HMGXB3: variants seen among roughly 807,000 people sequenced by gnomAD.
HMGXB3 encodes the protein HMG domain-containing protein 3.
Under a neutral mutation model 121.5 loss-of-function variants are expected in HMGXB3, and 45 were observed. The ratio of observed to expected loss-of-function variants is 0.37; its 90% CI spans 0.29 to 0.47. HMGXB3 has a LOEUF of 0.47. HMGXB3 is among the 20% of genes least tolerant of loss of function. The pLI, the probability that HMGXB3 is intolerant of heterozygous loss-of-function variation, is 0.99. For synonymous variants in HMGXB3, 590 were observed against 624.1 expected (o/e 0.95, Z 0.81); for missense variants, 1,376 against 1,602.2 (o/e 0.86, Z 2.41).
At chr5:150,047,068 AT>A (rs1756774272) in intron 16 of HMGXB3, among the ~76,000 whole-genome samples, 1 of 151,636 alleles carries the variant, frequency 6.6e-6, no homozygotes, top group African/African-American at 2.4e-5. Flanking sequence ...AATTTTTTGT[AT>A]TTTTAGAAGA....
chr5:150,006,515 G>A lies in HMGXB3; in HGVS notation c.180G>A (p.Val60=). The change falls in exon 3 of 20, where the codon GTG becomes GTA. Residue 60 remains valine, a synonymous_variant. Transcript: ENST00000502717. ...ACTATTACGACATCTACCTGAAAGT[G>A]CAGCAGGAGCTCCCCCACCTCCCTC... The part of the protein sequence containing the change: ...LLYYYDIYLK[V]QQELPHLPQS... 3 of 1,551,916 alleles carry A rather than the reference G, an allele frequency of 1.9e-6. No homozygotes were observed. Among genetic ancestry groups the A allele is most frequent in the South Asian group, 1.2e-5 (1 of 84,062 alleles).
intron 15 of HMGXB3, among the ~76,000 whole-genome samples, chr5:150,044,026 G>T (rs534967862): frequency 6.6e-6 from 1 of 152,280 alleles, no homozygotes; most frequent in East Asian, 1.9e-4. Flanking sequence ...CCTGGCACCC[G>T]TCCTGTCCCA....
intron 4 of HMGXB3, 95 bp from the exon 5 acceptor site, chr5:150,012,138 ATTGGGATGAGTACACTGTCTGT>A: frequency 1.5e-6 from 1 of 685,874 alleles, no homozygotes; most frequent in South Asian, 1.7e-5. Flanking sequence ...TGATAAGCAC[ATTGGGATGAGTACACTGTCTGT>A]TATTAAACTT....
At chr5:150,051,250 A>G (rs557506112) in intron 19 of HMGXB3, among the ~76,000 whole-genome samples, 1 of 152,300 alleles carries the variant, frequency 6.6e-6, no homozygotes, top group Non-Finnish European at 1.5e-5. Context: ...CCTTTGCTGA[A>G]ATAGATGTCA....
intron 1 of HMGXB3, among the ~76,000 whole-genome samples, chr5:150,002,934 G>A (rs1203698570): frequency 6.6e-6 from 1 of 152,158 alleles, no homozygotes; most frequent in Non-Finnish European, 1.5e-5. Flanking sequence ...CTTGAGCCTA[G>A]GAGTTTGAGA....
At chr5:150,001,384 A>G (rs1581242336) in intron 1 of HMGXB3, among the ~76,000 whole-genome samples, 1 of 152,192 alleles carries the variant, frequency 6.6e-6, no homozygotes, top group African/African-American at 2.4e-5. Flanking sequence ...TGCTTCATTC[A>G]TGACCCAGAA....
At chr5:150,008,247 TCTATCTACCA>T (rs1755754397) in intron 3 of HMGXB3, among the ~76,000 whole-genome samples, 1 of 152,198 alleles carries the variant, frequency 6.6e-6, no homozygotes, top group Non-Finnish European at 1.5e-5. Flanking sequence ...CATGCTTATT[TCTATCTACCA>T]CTATCTCTAC....
chr5:150,051,397 A>G (rs1756889574), intron 19 of HMGXB3, among the ~76,000 whole-genome samples: 1 of 152,218 alleles, frequency 6.6e-6, no homozygotes, highest in Non-Finnish European at 1.5e-5. Context: ...CACTGGCTCC[A>G]TGAGCATGCT....
chr5:150,041,382 C>A (rs1168726107), intron 14 of HMGXB3, among the ~76,000 whole-genome samples: 1 of 152,232 alleles, frequency 6.6e-6, no homozygotes, highest in African/African-American at 2.4e-5. Context: ...ACTAGAGTTA[C>A]ATGGGCCTGT....
At chr5:150,051,698 C>T (rs760965695) in intron 19 of HMGXB3, 27 bp from the exon 20 acceptor site, 1 of 1,477,974 alleles carries the variant, frequency 6.8e-7, no homozygotes, top group African/African-American at 1.4e-5. Context: ...TCCTTCTTAT[C>T]AAAATGCATT....
At chr5:150,033,952 G>C (rs1756440226) in intron 11 of HMGXB3, among the ~76,000 whole-genome samples, 1 of 152,116 alleles carries the variant, frequency 6.6e-6, no homozygotes, top group African/African-American at 2.4e-5. Flanking sequence ...AAAACACTGG[G>C]GCTGGGAGTG....
At chr5:150,046,184 C>T (rs1390259028) in intron 16 of HMGXB3, among the ~76,000 whole-genome samples, 1 of 152,220 alleles carries the variant, frequency 6.6e-6, no homozygotes, top group Non-Finnish European at 1.5e-5. Flanking sequence ...CAGGTCCCAT[C>T]ATTGCCCTAA....
Position 150,030,702 on chromosome 5 carries a change from A to G in HMGXB3, c.1735-39A>G, listed in dbSNP as rs141241278. ...GACATGGGAGCTCAGGAGTTTGGCT[A>G]AGGTTCAAAAGCACTAAATAATTTG... is the stretch of plus-strand genomic sequence containing the variant. On this transcript the variant is annotated intron_variant, in intron 9 of 19. Coordinates refer to ENST00000502717, the MANE Select transcript of HMGXB3 (RefSeq NM_014983.3). 248 of 1,462,780 alleles carry G rather than the reference A, an allele frequency of 1.7e-4. 1 individual carries two copies. The African/African-American group carries it at 3.1e-3, about 19-fold the overall frequency. The allele number at this position is 1,462,780 out of a possible 1,614,324, so 90.6% of individuals were successfully genotyped here.
intron 11 of HMGXB3, among the ~76,000 whole-genome samples, chr5:150,035,066 A>G (rs1756470716): frequency 2.0e-5 from 3 of 152,238 alleles, no homozygotes. Flanking sequence ...TGGGAGAGAA[A>G]GATAACCAAG....
At chr5:150,022,814 G>T (rs1756130779) in intron 6 of HMGXB3, among the ~76,000 whole-genome samples, 1 of 128,076 alleles carries the variant, frequency 7.8e-6, no homozygotes. Context: ...CCTGTTACTG[G>T]CTCTTTTTTT....
At chr5:150,040,989 GA>G (rs1756619265) in intron 14 of HMGXB3, 110 bp downstream of exon 14, 9 of 1,077,076 alleles carry the variant, frequency 8.4e-6, no homozygotes, top group Non-Finnish European at 1.1e-5. Context: ...TGATTATTTT[GA>G]AAAGGAGACA....
At chr5:150,041,191 T>A (rs1032275734) in intron 14 of HMGXB3, among the ~76,000 whole-genome samples, 6 of 152,236 alleles carry the variant, frequency 3.9e-5, no homozygotes, top group Non-Finnish European at 8.8e-5. Flanking sequence ...ACACAGCTCC[T>A]GGATATCTGC....
chr5:150,027,356 A>C (rs1756256813), intron 9 of HMGXB3, among the ~76,000 whole-genome samples: 2 of 152,224 alleles, frequency 1.3e-5, no homozygotes, highest in South Asian at 4.1e-4. Context: ...CAAAAATAAA[A>C]ATAGTACAGA....
chr5:150,033,989 C>T (rs1277174558), intron 11 of HMGXB3, among the ~76,000 whole-genome samples: 1 of 152,096 alleles, frequency 6.6e-6, no homozygotes, highest in African/African-American at 2.4e-5. Context: ...TTCCCTCTCC[C>T]GAGCTTTAGT....
Sources: allele counts gnomAD v4.1 joint callset (sites outside exome capture counted in the v4.1 genomes callset), GRCh38; gene constraint gnomAD v4.1.1; transcripts MANE v1.5; gene names NCBI Gene and HGNC (gene_info 2026-07-23, HGNC 2026-07-21).